Variants in DIPK1C observed in about 807,000 individuals in gnomAD.
DIPK1C encodes the protein familial non-conventional Alzheimer's dementia.
In DIPK1C, 33 loss-of-function variants were observed where a neutral mutation model predicts 28.0. The observed-to-expected ratio is 1.18, with a 90% CI of 0.89 to 1.58. The LOEUF is 1.58. Among genes scored for constraint, DIPK1C ranks in the 40% most tolerant of loss-of-function variants. DIPK1C has a pLI of 0.00. For missense variants in DIPK1C, 569 were observed against 568.5 expected (o/e 1.00, Z -0.01); for synonymous variants, 255 against 248.8 (o/e 1.02, Z -0.23).
intron 2 of DIPK1C, among the ~76,000 whole-genome samples, chr18:74,444,062 A>C (rs563268652): frequency 3.9e-5 from 6 of 152,208 alleles, no homozygotes; most frequent in South Asian, 2.1e-4. Flanking sequence ...AAAAAACAGA[A>C]AAACCTACAT....
At chr18:74,462,664 C>T (rs1364871806), upstream of DIPK1C, among the ~76,000 whole-genome samples, 1 of 146,698 alleles carries the variant, frequency 6.8e-6, no homozygotes, top group African/African-American at 2.5e-5. Context: ...ATATGTTTTG[C>T]TTAAAAAAAA....
In DIPK1C at chr18:74,436,721, T is replaced by C; in HGVS notation, c.1042-2A>G. The C allele has an allele frequency of 6.2e-7, 1 of 1,608,862 alleles. No homozygotes were observed. Among genetic ancestry groups the C allele is most frequent in the Non-Finnish European group, 8.5e-7 (1 of 1,177,384 alleles). ...GCGAAATATTTTGTCACAGATGACC[T>C]GAGGGAAAGAAGGGTGGACAGTTAA... On this transcript the variant is annotated splice_acceptor_variant, in intron 3 of 3. Coordinates refer to ENST00000343998, the MANE Select transcript of DIPK1C (RefSeq NM_001044369.3). LOFTEE classifies it high-confidence loss of function.
At chr18:74,450,224 T>A (rs1044714168) in intron 1 of DIPK1C, among the ~76,000 whole-genome samples, 2 of 152,204 alleles carry the variant, frequency 1.3e-5, no homozygotes, top group Non-Finnish European at 2.9e-5. Context: ...AAAAATTGTT[T>A]CCTGATCTCC....
chr18:74,451,997 C>T (rs1460332874), intron 1 of DIPK1C, among the ~76,000 whole-genome samples: 2 of 152,198 alleles, frequency 1.3e-5, no homozygotes, highest in Non-Finnish European at 2.9e-5. Flanking sequence ...CTTACGTCAG[C>T]CTATGGCAGG....
At position 74,436,664 on chromosome 18, in the gene DIPK1C, G is replaced by A. The variant is rs748356608; in HGVS notation, c.1097C>T (p.Ala366Val). The A allele has an allele frequency of 7.4e-6, 12 of 1,614,018 alleles. No individual in the cohort carries two copies. Among genetic ancestry groups the A allele is most frequent in the Middle Eastern group, 1.7e-4 (1 of 5,962 alleles). The change falls in exon 4 of 4, where the codon GCG (alanine) becomes GTG (valine). Residue 366 changes from alanine to valine, a missense_variant. Physicochemically the swap from Ala to Val is moderately conservative, Grantham distance 64. Transcript: ENST00000343998. ...HWFSAPLKSS[A>V]VSFQLQLQLQ... ...CTGCAGCTGAAGCTGGAAAGAGACC[G>A]CAGAGCTCTTGAGAGGCGCGGAAAA...
chr18:74,452,663 G>A (rs1986424547), intron 1 of DIPK1C, among the ~76,000 whole-genome samples: 1 of 152,042 alleles, frequency 6.6e-6, no homozygotes, highest in South Asian at 2.1e-4. Context: ...CAGGAGGATT[G>A]CTTGAGGCTG....
intron 1 of DIPK1C, among the ~76,000 whole-genome samples, chr18:74,450,007 G>A (rs557006049): frequency 6.6e-6 from 1 of 152,252 alleles, no homozygotes; most frequent in Admixed American, 6.5e-5. Flanking sequence ...GAAAGCGGCA[G>A]CTGGTCAGGC....
chr18:74,445,158 G>A (rs1213873100), intron 2 of DIPK1C, among the ~76,000 whole-genome samples: 2 of 152,154 alleles, frequency 1.3e-5, no homozygotes, highest in African/African-American at 4.8e-5. Flanking sequence ...AGCTGGGGGT[G>A]GGGGTTGTAC....
In DIPK1C at chr18:74,446,921, C is replaced by G; in HGVS notation, c.561G>C (p.Leu187=). ...ACTCCTCCTGCTGCAGCAGGGCCCA[C>G]AGGCTGGCCAGCTGTCCCCGCCAGC... The part of the protein sequence containing the change: ...GPRWRGQLAS[L]WALLQQEEYV... The change falls in exon 2 of 4, where the codon CTG becomes CTC. Residue 187 remains leucine, a synonymous_variant. Coordinates refer to ENST00000343998, the MANE Select transcript of DIPK1C (RefSeq NM_001044369.3). 6.6e-7 allele frequency: 1 copy of G among 1,504,606 alleles called. No individual in the cohort carries two copies. Among genetic ancestry groups the G allele is most frequent in the Non-Finnish European group, 8.9e-7 (1 of 1,121,524 alleles). The allele number at this position is 1,504,606 out of a possible 1,614,324, so 93.2% of individuals were successfully genotyped here. A position where few individuals can be genotyped will look rare whatever the true frequency, so the allele number is the denominator to read the frequency against.
intron 2 of DIPK1C, 43 bp from the exon 3 acceptor site, chr18:74,442,159 G>T (rs749174967): frequency 2.5e-5 from 41 of 1,608,350 alleles, no homozygotes; most frequent in Non-Finnish European, 3.1e-5. Flanking sequence ...GCTACTGGTG[G>T]GCTCTGCAGA....
intron 1 of DIPK1C, among the ~76,000 whole-genome samples, chr18:74,454,461 C>G (rs528482143): frequency 6.6e-6 from 1 of 152,232 alleles, no homozygotes; most frequent in African/African-American, 2.4e-5. Context: ...ACACTGGCAG[C>G]CCCCGCTACT....
rs371686210 is a variant in DIPK1C at position 74,437,463 on chromosome 18, C to T, written c.1042-744G>A. On this transcript the variant is annotated intron_variant, in intron 3 of 3. Coordinates refer to ENST00000343998, the MANE Select transcript of DIPK1C (RefSeq NM_001044369.3). ...CATGTTGTTTGTTTTATAGCTCCTA[C>T]AGCTTCCCCCACGCTGGGAGAAATG... Among the ~76,000 whole-genome samples the T allele has an allele frequency of 4.4e-4, 67 of 152,294 alleles. No individual in the cohort carries two copies. In the South Asian group the frequency reaches 0.013, roughly 30 times the overall value.
At position 74,457,101 on chromosome 18, in the gene DIPK1C, G is replaced by T; in HGVS notation, c.159C>A (p.Arg53=). ...TGCGCCGGCTCTTCTCGTCGGTGCA[G>T]CGCTCGGAGAGGACACCCGGGTGCG... is the stretch of plus-strand genomic sequence containing the variant. The part of the protein sequence containing the change: ...LRAHPGVLSE[R]CTDEKSRRIL... The change falls in exon 1 of 4, where the codon CGC becomes CGA. Residue 53 remains arginine, a synonymous_variant. Transcript: ENST00000343998. 1 of 1,469,496 alleles carries T rather than the reference G, an allele frequency of 6.8e-7. No individual in the cohort carries two copies. The highest frequency in any genetic ancestry group is 1.3e-5 in the South Asian group (1 of 77,176). The allele number at this position is 1,469,496 out of a possible 1,614,324, so 91.0% of individuals were successfully genotyped here.
At chr18:74,464,615 C>T in the DIPK1C span, among the ~76,000 whole-genome samples, 2 of 152,150 alleles carry the variant, frequency 1.3e-5, no homozygotes, top group African/African-American at 4.8e-5. Context: ...CATGGATCCA[C>T]CATTGTAAAT....
rs533640556 is a variant in DIPK1C, at chr18:74,442,153, C to T, written c.877-37G>A. ...ACAGCACGGGGCTATCAAAGGGCTA[C>T]TGGTGGGCTCTGCAGAGAGGGAGCC... On this transcript the variant is annotated intron_variant, in intron 2 of 3. Transcript: ENST00000343998. The T allele has an allele frequency of 1.5e-5, 24 of 1,610,278 alleles. No individual in the cohort carries two copies. The Admixed American group carries it at 3.2e-4, about 22-fold the overall frequency.
At chr18:74,450,078 G>C (rs1030800290) in intron 1 of DIPK1C, among the ~76,000 whole-genome samples, 2 of 152,056 alleles carry the variant, frequency 1.3e-5, no homozygotes, top group African/African-American at 4.8e-5. Flanking sequence ...ATAAGGAACT[G>C]AGGCCACCGT....
intron 3 of DIPK1C, among the ~76,000 whole-genome samples, chr18:74,437,834 T>C (rs1986032658): frequency 6.6e-6 from 1 of 152,236 alleles, no homozygotes; most frequent in African/African-American, 2.4e-5. Context: ...AGGTAATATA[T>C]TGTACACACT....
rs142738320 is a variant in DIPK1C, at chr18:74,437,475, C to T, written c.1042-756G>A. 1.9e-3 allele frequency among the ~76,000 whole-genome samples: 292 copies of T among 152,292 alleles called. 1 individual carries two copies. Among genetic ancestry groups the T allele is most frequent in the African/African-American group, 6.5e-3 (271 of 41,546 alleles). ...TTTATAGCTCCTACAGCTTCCCCCA[C>T]GCTGGGAGAAATGACCTGCGAGCTG... On this transcript the variant is annotated intron_variant, in intron 3 of 3. Coordinates refer to ENST00000343998, the MANE Select transcript of DIPK1C (RefSeq NM_001044369.3).
At chr18:74,453,764 CAG>C (rs766096546) in intron 1 of DIPK1C, among the ~76,000 whole-genome samples, 12 of 152,194 alleles carry the variant, frequency 7.9e-5, no homozygotes, top group Non-Finnish European at 1.6e-4. Flanking sequence ...TCAGACTACA[CAG>C]AGTCATGTCC....
Sources: allele counts gnomAD v4.1 joint callset (sites outside exome capture counted in the v4.1 genomes callset), GRCh38; gene constraint gnomAD v4.1.1; transcripts MANE v1.5; gene names NCBI Gene and HGNC (gene_info 2026-07-23, HGNC 2026-07-21).